NT5DC3: variants seen among roughly 807,000 people sequenced by gnomAD.
NT5DC3 encodes the protein 5'-nucleotidase domain-containing protein 3.
NT5DC3 carries 42 observed loss-of-function variants against 67.8 expected under a neutral mutation model. That is an observed-to-expected ratio of 0.62 (90% confidence interval 0.48 to 0.80). NT5DC3 has a LOEUF of 0.80. Ranked by LOEUF, NT5DC3 falls within the 30% of genes least tolerant of loss-of-function variation. The pLI is 0.00. For missense variants in NT5DC3, 570 were observed against 696.4 expected, an observed-to-expected ratio of 0.82 and a Z score of 2.04; for synonymous variants, 237 against 255.6, an observed-to-expected ratio of 0.93 and a Z score of 0.69.
At chr12:103,812,616 A>G (rs1185355959) in intron 2 of NT5DC3, among the ~76,000 whole-genome samples, 1 of 152,226 alleles carries the variant, frequency 6.6e-6, no homozygotes, top group Non-Finnish European at 1.5e-5. Flanking sequence ...CATAGGATGG[A>G]AAGGTGTTAG....
chr12:103,804,886 T>G (rs944695757), intron 4 of NT5DC3, among the ~76,000 whole-genome samples: 2 of 152,298 alleles, frequency 1.3e-5, no homozygotes, highest in East Asian at 3.9e-4. Flanking sequence ...ACCCTGTCTC[T>G]TTTAAAAATA....
intron 5 of NT5DC3, among the ~76,000 whole-genome samples, chr12:103,798,307 C>T (rs1411963482): frequency 1.3e-5 from 2 of 152,180 alleles, no homozygotes; most frequent in Non-Finnish European, 2.9e-5. Context: ...CCAATCTGTT[C>T]TGGAGCCCCA....
chr12:103,762,431 T>C, the NT5DC3 span: 6 of 1,614,120 alleles, frequency 3.7e-6, no homozygotes, highest in Middle Eastern at 1.6e-4. Context: ...AACATGATGA[T>C]GGGGTCCTCT....
the NT5DC3 span, among the ~76,000 whole-genome samples, chr12:103,748,625 C>A: frequency 1.4e-5 from 1 of 74,008 alleles, no homozygotes; most frequent in Non-Finnish European, 2.9e-5. Context: ...CACACACACA[C>A]ACACACACAC....
chr12:103,759,343 T>C, the NT5DC3 span: 1 of 1,568,932 alleles, frequency 6.4e-7, no homozygotes, highest in Admixed American at 2.0e-5. Context: ...ATACAGTAGG[T>C]GCTTAATAGA....
chr12:103,840,419 TCATTCCATCC>T (rs1380087888), intron 1 of NT5DC3, among the ~76,000 whole-genome samples: 13 of 125,914 alleles, frequency 1.0e-4, no homozygotes, highest in Non-Finnish European at 1.6e-4. Context: ...TCATCTCATC[TCATTCCATCC>T]CATTCCATCC....
chr12:103,746,438 A>G, the NT5DC3 span: 2 of 646,426 alleles, frequency 3.1e-6, no homozygotes, highest in South Asian at 1.9e-5. Context: ...AGAATCTCCA[A>G]GGCTAGAAAA....
chr12:103,755,311 C>G, the NT5DC3 span: 1 of 1,613,976 alleles, frequency 6.2e-7, no homozygotes, highest in Non-Finnish European at 8.5e-7. Context: ...GGCCAAGTAC[C>G]ACCTGTGCTC....
In NT5DC3 at chr12:103,796,893, C is replaced by A; in HGVS notation, c.753+1G>T. 6.2e-7 allele frequency: 1 copy of A among 1,614,148 alleles called. No homozygotes were observed. The highest frequency in any genetic ancestry group is 8.5e-7 in the Non-Finnish European group (1 of 1,179,998). Reference sequence around the variant, plus strand: ...CTGTAATCTCTCACTGTGGATACAACCTTGACATCTTTGTACAGATGCACA... The same window carrying A: ...CTGTAATCTCTCACTGTGGATACAAACTTGACATCTTTGTACAGATGCACA... On this transcript the variant is annotated splice_donor_variant, in intron 6 of 13. Coordinates refer to ENST00000392876, the MANE Select transcript of NT5DC3 (RefSeq NM_001031701.3). LOFTEE classifies it high-confidence loss of function.
At chr12:103,770,350 A>C (rs959522449), downstream of NT5DC3, 5 of 152,260 alleles carry the variant, frequency 3.3e-5, no homozygotes, top group African/African-American at 9.6e-5. Context: ...CTACAATTCC[A>C]ATAGAAGACA....
the NT5DC3 span, chr12:103,763,482 TTC>T: frequency 6.2e-7 from 1 of 1,613,322 alleles, no homozygotes; most frequent in Non-Finnish European, 8.5e-7. Context: ...ATGCTTGTCT[TTC>T]CAAACAGTCG....
At chr12:103,747,497 C>G in the NT5DC3 span, among the ~76,000 whole-genome samples, 2 of 152,132 alleles carry the variant, frequency 1.3e-5, no homozygotes, top group African/African-American at 4.8e-5. Context: ...ATAAGCCCAG[C>G]CTGGACAGCA....
At chr12:103,840,456 A>G (rs1230885515) in intron 1 of NT5DC3, among the ~76,000 whole-genome samples, 3 of 46,330 alleles carry the variant, frequency 6.5e-5, no homozygotes, top group African/African-American at 2.6e-4. Context: ...ATCCCATCCC[A>G]TCCCAACCCA....
chr12:103,785,883 C>A (rs745512495), intron 11 of NT5DC3: 1 of 375,400 alleles, frequency 2.7e-6, no homozygotes. Flanking sequence ...TTATGGAGAA[C>A]CATGGAATCT....
At chr12:103,771,633 G>A (rs147404621), downstream of NT5DC3, among the ~76,000 whole-genome samples, 236 of 152,292 alleles carry the variant, frequency 1.5e-3, no homozygotes, top group African/African-American at 4.9e-3. Flanking sequence ...GGCACTGCTG[G>A]CCAAGGTTGG....
chr12:103,795,784 T>C (rs1228689867), intron 6 of NT5DC3, among the ~76,000 whole-genome samples: 1 of 152,162 alleles, frequency 6.6e-6, no homozygotes, highest in Non-Finnish European at 1.5e-5. Flanking sequence ...TATATAAATA[T>C]ATAAACATGT....
intron 1 of NT5DC3, among the ~76,000 whole-genome samples, chr12:103,840,419 TCATTC>T (rs1398174991): frequency 2.4e-5 from 3 of 125,916 alleles, no homozygotes; most frequent in East Asian, 4.3e-4. Flanking sequence ...TCATCTCATC[TCATTC>T]CATCCCATTC....
intron 1 of NT5DC3, among the ~76,000 whole-genome samples, chr12:103,816,972 T>C (rs1246483368): frequency 6.8e-6 from 1 of 147,470 alleles, no homozygotes; most frequent in African/African-American, 2.6e-5. Context: ...TTTTTCTTTT[T>C]TTTTTTTTTG....
At chr12:103,756,722 A>G in the NT5DC3 span, among the ~76,000 whole-genome samples, 5 of 152,108 alleles carry the variant, frequency 3.3e-5, no homozygotes, top group South Asian at 6.2e-4. Flanking sequence ...AGGAAAGGGC[A>G]CTGAGCATGA....
Sources: allele counts gnomAD v4.1 joint callset (sites outside exome capture counted in the v4.1 genomes callset), GRCh38; gene constraint gnomAD v4.1.1; transcripts MANE v1.5; gene names NCBI Gene and HGNC (gene_info 2026-07-23, HGNC 2026-07-21).